The following TBCA variants were observed in gnomAD, a reference collection of about 807,000 sequenced individuals.
The protein encoded by TBCA is tubulin folding cofactor A.
In TBCA, 6 loss-of-function variants were observed where a neutral mutation model predicts 15.8. The ratio of observed to expected loss-of-function variants is 0.38; its 90% CI spans 0.21 to 0.75. The LOEUF is 0.75. Among genes scored for constraint, TBCA ranks in the 30% least tolerant of loss-of-function variants. The pLI is 0.46. For synonymous variants in TBCA, 32 were observed against 42.3 expected, an observed-to-expected ratio of 0.76 and a Z score of 0.94; for missense variants, 90 against 131.2, an observed-to-expected ratio of 0.69 and a Z score of 1.53.
intron 1 of TBCA, among the ~76,000 whole-genome samples, chr5:77,753,690 G>T (rs1747408611): frequency 2.0e-5 from 3 of 152,054 alleles, no homozygotes; most frequent in Non-Finnish European, 1.5e-5. Context: ...CTGTATTAGG[G>T]TATTTTTAAT....
chr5:77,697,020 A>C (rs549395891), intron 2 of TBCA, among the ~76,000 whole-genome samples: 1 of 152,358 alleles, frequency 6.6e-6, no homozygotes, highest in East Asian at 1.9e-4. Context: ...CATTATCATA[A>C]AATTATCAAT....
chr5:77,730,008 TC>T (rs1746728081), intron 1 of TBCA, among the ~76,000 whole-genome samples: 1 of 152,200 alleles, frequency 6.6e-6, no homozygotes, highest in Non-Finnish European at 1.5e-5. Flanking sequence ...TATAAATGTT[TC>T]CAGTCAGAAT....
At chr5:77,773,924 G>C (rs943131671) in intron 1 of TBCA, among the ~76,000 whole-genome samples, 1 of 152,126 alleles carries the variant, frequency 6.6e-6, no homozygotes, top group Non-Finnish European at 1.5e-5. Context: ...GAACAATAAA[G>C]TTCTAATGAA....
chr5:77,741,614 A>T (rs1747033259), intron 1 of TBCA, among the ~76,000 whole-genome samples: 1 of 152,236 alleles, frequency 6.6e-6, no homozygotes, highest in African/African-American at 2.4e-5. Flanking sequence ...AAAGTTAAGG[A>T]CTAGTTAAGT....
chr5:77,742,377 A>G (rs1253272493), intron 1 of TBCA, among the ~76,000 whole-genome samples: 1 of 152,080 alleles, frequency 6.6e-6, no homozygotes, highest in African/African-American at 2.4e-5. Context: ...TCTCTTCCTC[A>G]TCCCTCCCCT....
chr5:77,707,200 G>C (rs1038999048), intron 2 of TBCA, among the ~76,000 whole-genome samples: 3 of 152,140 alleles, frequency 2.0e-5, no homozygotes, highest in African/African-American at 4.8e-5. Flanking sequence ...TTACAGGAAG[G>C]AAAGTGGTAC....
At chr5:77,771,434 A>C (rs894475761) in intron 1 of TBCA, among the ~76,000 whole-genome samples, 2 of 152,054 alleles carry the variant, frequency 1.3e-5, no homozygotes, top group African/African-American at 4.8e-5. Context: ...TAGTAATCTA[A>C]CCTCTCTCTC....
intron 1 of TBCA, among the ~76,000 whole-genome samples, chr5:77,720,001 T>C (rs966295597): frequency 6.6e-6 from 1 of 152,178 alleles, no homozygotes; most frequent in Admixed American, 6.5e-5. Flanking sequence ...TACATTTGAC[T>C]TTTTATCCTC....
At chr5:77,692,982 C>CAAG in intron 3 of TBCA, 1 of 1,345,212 alleles carries the variant, frequency 7.4e-7, no homozygotes, top group Non-Finnish European at 9.5e-7. Flanking sequence ...ACCAAATAAT[C>CAAG]AAGACATTGC....
At chr5:77,764,278 CACT>C (rs1225581811) in intron 1 of TBCA, among the ~76,000 whole-genome samples, 1 of 151,934 alleles carries the variant, frequency 6.6e-6, no homozygotes, top group Non-Finnish European at 1.5e-5. Flanking sequence ...ATGTTATTAC[CACT>C]GTTTTACTTC....
At chr5:77,747,525 G>T (rs1025052918) in intron 1 of TBCA, among the ~76,000 whole-genome samples, 3 of 152,076 alleles carry the variant, frequency 2.0e-5, no homozygotes, top group Non-Finnish European at 2.9e-5. Flanking sequence ...GCTCACTAAT[G>T]TATCAAAAGC....
chr5:77,758,514 T>A (rs1307573997), intron 1 of TBCA, among the ~76,000 whole-genome samples: 4 of 152,196 alleles, frequency 2.6e-5, no homozygotes, highest in African/African-American at 9.7e-5. Context: ...CTCGGAGAGC[T>A]CGGATTTTAA....
At chr5:77,738,984 G>A (rs1320594620) in intron 1 of TBCA, among the ~76,000 whole-genome samples, 1 of 152,188 alleles carries the variant, frequency 6.6e-6, no homozygotes, top group East Asian at 1.9e-4. Context: ...CCAGTGGACT[G>A]TGATCAGCTT....
At chr5:77,730,657 T>C (rs1406660189) in intron 1 of TBCA, among the ~76,000 whole-genome samples, 1 of 151,422 alleles carries the variant, frequency 6.6e-6, no homozygotes, top group East Asian at 1.9e-4. Context: ...AGAACATAAA[T>C]CTTCCAGTTT....
chr5:77,767,111 C>T (rs1184958356), intron 1 of TBCA, among the ~76,000 whole-genome samples: 3 of 152,180 alleles, frequency 2.0e-5, no homozygotes, highest in African/African-American at 7.2e-5. Flanking sequence ...AGTTCAAATA[C>T]ACTTCAGTAG....
chr5:77,714,234 C>T (rs942635162), intron 1 of TBCA, among the ~76,000 whole-genome samples: 2 of 151,984 alleles, frequency 1.3e-5, no homozygotes, highest in Non-Finnish European at 2.9e-5. Flanking sequence ...CCAGGAGAAT[C>T]GCTTGAACCC....
chr5:77,731,392 AG>A (rs778048914), intron 1 of TBCA, among the ~76,000 whole-genome samples: 2 of 152,204 alleles, frequency 1.3e-5, no homozygotes, highest in Non-Finnish European at 2.9e-5. Flanking sequence ...CTGCAAAGCA[AG>A]GATAATAATA....
intron 3 of TBCA, 182 bp downstream of exon 3, chr5:77,693,084 T>G: frequency 6.8e-7 from 1 of 1,460,710 alleles, no homozygotes; most frequent in Non-Finnish European, 8.9e-7. Flanking sequence ...GTACTTTTAC[T>G]GGAGGCATAA....
At chr5:77,716,337 A>G (rs1276215614) in intron 1 of TBCA, among the ~76,000 whole-genome samples, 1 of 152,224 alleles carries the variant, frequency 6.6e-6, no homozygotes, top group African/African-American at 2.4e-5. Flanking sequence ...GGCATCAACA[A>G]ATCTGCTCTC....
Sources: allele counts gnomAD v4.1 joint callset (sites outside exome capture counted in the v4.1 genomes callset), GRCh38; gene constraint gnomAD v4.1.1; transcripts MANE v1.5; gene names NCBI Gene and HGNC (gene_info 2026-07-23, HGNC 2026-07-21).